The following SZRD1 variants were observed in gnomAD, a reference collection of about 807,000 sequenced individuals.
SZRD1 encodes the protein SUZ RNA-binding domain-containing.
In SZRD1, 7 loss-of-function variants were observed where a neutral mutation model predicts 17.6. That is an observed-to-expected ratio of 0.40 (90% confidence interval 0.23 to 0.75). The LOEUF is 0.75. Among genes scored for constraint, SZRD1 ranks in the 30% least tolerant of loss-of-function variants. The pLI is 0.38. For synonymous variants in SZRD1, 77 were observed against 77.9 expected, an observed-to-expected ratio of 0.99 and a Z score of 0.06; for missense variants, 178 against 201.8, an observed-to-expected ratio of 0.88 and a Z score of 0.71.
intron 1 of SZRD1, among the ~76,000 whole-genome samples, chr1:16,377,156 G>A (rs1002354867): frequency 1.3e-5 from 2 of 152,252 alleles, no homozygotes; most frequent in East Asian, 3.9e-4. Context: ...GAGTGCTGGC[G>A]ATTCTAACTG....
At chr1:16,394,985 G>C in intron 3 of SZRD1, 53 bp from the exon 4 acceptor site, 1 of 982,500 alleles carries the variant, frequency 1.0e-6, no homozygotes, top group Non-Finnish European at 1.6e-6. Flanking sequence ...GAAATGATGG[G>C]GGACATCTAT....
chr1:16,385,401 AG>A (rs1446446305), intron 1 of SZRD1, among the ~76,000 whole-genome samples: 46 of 152,150 alleles, frequency 3.0e-4, no homozygotes, highest in African/African-American at 1.1e-3. Flanking sequence ...TCAGTCCCCC[AG>A]GGCATCATCA....
chr1:16,389,554 G>A (rs1570041099), intron 1 of SZRD1, among the ~76,000 whole-genome samples: 2 of 150,956 alleles, frequency 1.3e-5, no homozygotes, highest in African/African-American at 2.4e-5. Context: ...CTCGTGATCC[G>A]CCCACCTCGG....
In SZRD1 at chr1:16,393,495, G is replaced by T. The variant is rs1272430975; in HGVS notation, c.356+13G>T. The T allele has an allele frequency of 6.3e-7, 1 of 1,596,072 alleles. No homozygotes were observed. Among genetic ancestry groups the T allele is most frequent in the South Asian group, 1.1e-5 (1 of 89,410 alleles). ...CCATCCTCGACAGGTGAGTGTGGCTGGCAGGGCCGGCCAGTGATGGCTGTC... is the reference window on the plus strand; with the variant it reads ...CCATCCTCGACAGGTGAGTGTGGCTTGCAGGGCCGGCCAGTGATGGCTGTC... On this transcript the variant is annotated intron_variant, in intron 3 of 3. Transcript: ENST00000401088. This position sits in a 1 kb window ranked among gnomAD's most constrained non-coding sequence, Gnocchi z 5.6.
chr1:16,384,112 G>A (rs946094910), intron 1 of SZRD1, among the ~76,000 whole-genome samples: 3 of 152,154 alleles, frequency 2.0e-5, no homozygotes, highest in African/African-American at 7.2e-5. Flanking sequence ...GAGCATTGGA[G>A]GTGGCCAGTC....
At chr1:16,376,952 C>G (rs370833686) in intron 1 of SZRD1, among the ~76,000 whole-genome samples, 1 of 152,062 alleles carries the variant, frequency 6.6e-6, no homozygotes, top group South Asian at 2.1e-4. Flanking sequence ...AGTACAGGTG[C>G]GTGAGCCACT....
At chr1:16,375,877 C>G (rs2100703993) in intron 1 of SZRD1, among the ~76,000 whole-genome samples, 1 of 152,304 alleles carries the variant, frequency 6.6e-6, no homozygotes, top group East Asian at 1.9e-4. Flanking sequence ...ACCTTGAGAA[C>G]AATTCCCAGC....
At chr1:16,384,375 CA>C (rs58963543) in intron 1 of SZRD1, among the ~76,000 whole-genome samples, 3,932 of 110,918 alleles carry the variant, frequency 0.035, 122 homozygotes, top group African/African-American at 0.1. Flanking sequence ...CCGTCTCCAC[CA>C]AAAAAAAAAA....
intron 1 of SZRD1, chr1:16,387,525 T>C: frequency 2.2e-6 from 1 of 456,732 alleles, no homozygotes; most frequent in Non-Finnish European, 4.4e-6. Context: ...TGCCAAAGCT[T>C]GTTGGCCGTC....
intron 2 of SZRD1, among the ~76,000 whole-genome samples, chr1:16,392,120 G>C (rs909562312): frequency 6.6e-6 from 1 of 152,102 alleles, no homozygotes; most frequent in African/African-American, 2.4e-5. Context: ...CTGGCTCCCT[G>C]CCTCTTTGAT....
At chr1:16,374,868 G>C (rs2082973216) in intron 1 of SZRD1, among the ~76,000 whole-genome samples, 1 of 150,762 alleles carries the variant, frequency 6.6e-6, no homozygotes, top group African/African-American at 2.4e-5. Context: ...TTCTCTTCTT[G>C]AGTGTTTTTG....
Position 16,381,548 on chromosome 1 carries a change from T to TC in SZRD1, c.52-9826dup, listed in dbSNP as rs556316369. Among the ~76,000 whole-genome samples the TC allele has an allele frequency of 1.1e-4, 13 of 120,248 alleles. No homozygotes were observed. The South Asian group carries it at 3.5e-3, about 33-fold the overall frequency. The allele number at this position is 120,248 out of a possible 152,430, so 78.9% of individuals were successfully genotyped here. A position where few individuals can be genotyped will look rare whatever the true frequency, so the allele number is the denominator to read the frequency against. ...CTCCAGCCTGGGCGACAGCGAGACT[T>TC]CATCTCAAAAAAAAAAAAAAAAAGA... On this transcript the variant is annotated intron_variant, in intron 1 of 3. Coordinates refer to ENST00000401088, the MANE Select transcript of SZRD1 (RefSeq NM_001114600.3).
chr1:16,369,114 G>T, intron 1 of SZRD1: 1 of 374,812 alleles, frequency 2.7e-6, no homozygotes. Context: ...AAGTTTTATT[G>T]AAAAACTTAT....
At position 16,370,216 on chromosome 1, in the gene SZRD1, T is replaced by G. The variant is rs576203556; in HGVS notation, c.51+2908T>G. 6.8e-5 allele frequency among the ~76,000 whole-genome samples: 10 copies of G among 147,690 alleles called. No homozygotes were observed. The East Asian group carries it at 1.7e-3, about 25-fold the overall frequency. ...TGGAAAATTTGGGAATTGGGTGTTC[T>G]TTCTTTTCCTTTTTTTTTTTTTTGT... On this transcript the variant is annotated intron_variant, in intron 1 of 3. Transcript: ENST00000401088.
chr1:16,395,360 G>A lies in SZRD1; in HGVS notation c.*220G>A, dbSNP rs1393792892. 1 of 575,804 alleles carries A rather than the reference G, an allele frequency of 1.7e-6. No homozygotes were observed. The highest frequency in any genetic ancestry group is 3.2e-6 in the Non-Finnish European group (1 of 312,808). 35.7% of individuals were successfully genotyped at this position (575,804 alleles called of 1,614,324 possible). A position where few individuals can be genotyped will look rare whatever the true frequency, so the allele number is the denominator to read the frequency against. On this transcript the variant is annotated 3_prime_UTR_variant, in exon 4 of 4. Coordinates refer to ENST00000401088, the MANE Select transcript of SZRD1 (RefSeq NM_001114600.3). ...CCCACTGTGATTGGCACATCGACAA[G>A]GGCTGTCCCAAGTCAATGGAAAGGG...
intron 1 of SZRD1, chr1:16,367,994 A>G (rs2082852057): frequency 6.6e-6 from 1 of 152,188 alleles, no homozygotes; most frequent in African/African-American, 2.4e-5. Flanking sequence ...AAGGTCTAGG[A>G]GTTCGCTTGT....
At chr1:16,388,150 A>G (rs1287816284) in intron 1 of SZRD1, among the ~76,000 whole-genome samples, 3 of 152,148 alleles carry the variant, frequency 2.0e-5, no homozygotes, top group Non-Finnish European at 2.9e-5. Context: ...GTCATGCTCT[A>G]TTGCCCAGGC....
Position 16,397,934 on chromosome 1 carries a change from T to C in SZRD1, c.*2794T>C. On this transcript the variant is annotated 3_prime_UTR_variant, in exon 4 of 4. Transcript: ENST00000401088. The surrounding 1 kb of genome is among the most constrained non-coding windows in gnomAD (Gnocchi z 5.4). The stretch of plus-strand genomic sequence containing the variant: ...GAGACTCAAGAAACCTCTGGGGTCC[T>C]GTTTTCTGGTCGTGTGATCCCAGGG... 5 of 537,148 alleles carry C rather than the reference T, an allele frequency of 9.3e-6. No individual in the cohort carries two copies. The highest frequency in any genetic ancestry group is 1.2e-5 in the Non-Finnish European group (5 of 420,384). 33.3% of individuals were successfully genotyped at this position (537,148 alleles called of 1,614,324 possible). A position where few individuals can be genotyped will look rare whatever the true frequency, so the allele number is the denominator to read the frequency against.
At chr1:16,388,632 A>T (rs555978722) in intron 1 of SZRD1, among the ~76,000 whole-genome samples, 2 of 151,688 alleles carry the variant, frequency 1.3e-5, no homozygotes, top group East Asian at 3.9e-4. Context: ...GGCAAAAAAG[A>T]TCACATCATA....
Sources: allele counts gnomAD v4.1 joint callset (sites outside exome capture counted in the v4.1 genomes callset), GRCh38; gene constraint gnomAD v4.1.1; non-coding constraint Gnocchi (gnomAD v3.1); transcripts MANE v1.5; gene names NCBI Gene and HGNC (gene_info 2026-07-23, HGNC 2026-07-21).